The following DYNLT2 variants were observed in gnomAD, a reference collection of about 807,000 sequenced individuals.
DYNLT2 encodes dynein light chain Tctex-type protein 2.
DYNLT2 carries 24 observed loss-of-function variants against 24.3 expected under a neutral mutation model. That is an observed-to-expected ratio of 0.99 (90% CI 0.71 to 1.39). The LOEUF (loss-of-function observed/expected upper bound fraction) is 1.39, where lower values mean the gene tolerates loss of function less well. DYNLT2 is among the 40% of genes most tolerant of loss of function. The pLI, the probability that DYNLT2 is intolerant of heterozygous loss-of-function variation, is 0.00. For synonymous variants in DYNLT2, 85 were observed against 85.4 expected, an observed-to-expected ratio of 1.00 and a Z score of 0.03; for missense variants, 246 against 234.5, an observed-to-expected ratio of 1.05 and a Z score of -0.32.
chr6:169,729,480 A>G, the DYNLT2 span, among the ~76,000 whole-genome samples: 3 of 152,218 alleles, frequency 2.0e-5, no homozygotes, highest in African/African-American at 7.2e-5. Flanking sequence ...CTGGGAATCA[A>G]GGAAGCTATA....
chr6:169,745,087 A>G (rs918092676), intron 1 of DYNLT2, among the ~76,000 whole-genome samples: 2 of 151,490 alleles, frequency 1.3e-5, no homozygotes, highest in Admixed American at 6.6e-5. Flanking sequence ...TTTGCTGTGA[A>G]GTTTTTTTTG....
chr6:169,734,332 T>A, the DYNLT2 span, among the ~76,000 whole-genome samples: 1 of 152,192 alleles, frequency 6.6e-6, no homozygotes, highest in Non-Finnish European at 1.5e-5. Flanking sequence ...TGAATAGAAG[T>A]GGTGAGAGAG....
rs1789738194 is a variant in DYNLT2, at chr6:169,744,085, CT to C, written c.309del (p.Val104SerfsTer5). On this transcript the variant is annotated frameshift_variant, in exon 2 of 4. Transcript: ENST00000366774. LOFTEE classifies it high-confidence loss of function. ...CAACCTACTGTTAGTATCTGCTGGACTTTAGTTTCTACTGAATGAGCTTGGA... is the reference window on the plus strand; with the variant it reads ...CAACCTACTGTTAGTATCTGCTGGACTTAGTTTCTACTGAATGAGCTTGGA... ...KKFQAHSVETKVQQILTESLK... is the reference protein window; with the variant it reads ...KKFQAHSVETXVQQILTESLK... 1.9e-6 allele frequency: 3 copies of C among 1,612,304 alleles called. No homozygotes were observed. The highest frequency in any genetic ancestry group is 2.2e-5 in the South Asian group (2 of 91,060).
Position 169,751,507 on chromosome 6 carries a change from G to C in DYNLT2, c.-49C>G. On this transcript the variant is annotated 5_prime_UTR_variant, in exon 1 of 4. Transcript: ENST00000366774. Reference sequence around the variant, plus strand: ...CACCGCCTCCCCTTCACCGCCGGCGGTCAAACGCCCTAGCCAGTCCCGCGA... The same window carrying C: ...CACCGCCTCCCCTTCACCGCCGGCGCTCAAACGCCCTAGCCAGTCCCGCGA... The C allele has an allele frequency of 6.2e-7, 1 of 1,611,060 alleles. No individual in the cohort carries two copies. The highest frequency in any genetic ancestry group is 8.5e-7 in the Non-Finnish European group (1 of 1,178,674).
chr6:169,740,716 G>A (rs1789658741), intron 3 of DYNLT2, among the ~76,000 whole-genome samples: 1 of 152,096 alleles, frequency 6.6e-6, no homozygotes, highest in Admixed American at 6.5e-5. Context: ...CAAGTAGGCT[G>A]TTACGGACAA....
At chr6:169,728,367 ATG>A in the DYNLT2 span, among the ~76,000 whole-genome samples, 1 of 152,234 alleles carries the variant, frequency 6.6e-6, no homozygotes, top group Non-Finnish European at 1.5e-5. Context: ...AAATGATTGC[ATG>A]AGAATAACTT....
chr6:169,742,269 T>A (rs1035337984), intron 3 of DYNLT2, among the ~76,000 whole-genome samples: 35 of 152,212 alleles, frequency 2.3e-4, no homozygotes, highest in Non-Finnish European at 4.3e-4. Flanking sequence ...ATCACCATTT[T>A]ATAGATGAAG....
the DYNLT2 span, among the ~76,000 whole-genome samples, chr6:169,734,681 G>A: frequency 1.8e-4 from 28 of 152,274 alleles, no homozygotes; most frequent in African/African-American, 6.0e-4. Flanking sequence ...TGCTGGATTC[G>A]GTTGGCCAGT....
intron 1 of DYNLT2, among the ~76,000 whole-genome samples, chr6:169,744,543 A>C (rs1299930392): frequency 1.3e-5 from 2 of 152,210 alleles, no homozygotes; most frequent in African/African-American, 4.8e-5. Flanking sequence ...TATATTTAGA[A>C]TATCCATGGA....
At chr6:169,751,297 C>T in intron 1 of DYNLT2, 42 bp downstream of exon 1, 2 of 1,585,912 alleles carry the variant, frequency 1.3e-6, no homozygotes, top group Non-Finnish European at 1.7e-6. Context: ...CTTAAACGGT[C>T]GGACATAGCC....
chr6:169,748,642 CTTGTTTA>C (rs1562998739), intron 1 of DYNLT2, among the ~76,000 whole-genome samples: 1 of 152,118 alleles, frequency 6.6e-6, no homozygotes, highest in African/African-American at 2.4e-5. Context: ...TCATTTTGTT[CTTGTTTA>C]TTAAGAGAAT....
chr6:169,748,740 C>T (rs1260108601), intron 1 of DYNLT2, among the ~76,000 whole-genome samples: 4 of 152,172 alleles, frequency 2.6e-5, no homozygotes, highest in Non-Finnish European at 5.9e-5. Context: ...TCATTAACAG[C>T]GGCTTTCAAC....
chr6:169,728,476 A>G, the DYNLT2 span, among the ~76,000 whole-genome samples: 1 of 152,212 alleles, frequency 6.6e-6, no homozygotes, highest in Non-Finnish European at 1.5e-5. Flanking sequence ...AAGGAATTAG[A>G]AAGCATACAG....
intron 1 of DYNLT2, among the ~76,000 whole-genome samples, chr6:169,744,955 TGC>T (rs1789762157): frequency 6.6e-6 from 1 of 152,208 alleles, no homozygotes; most frequent in Admixed American, 6.5e-5. Flanking sequence ...TTCTTTTTCT[TGC>T]CTAATTGCTT....
chr6:169,730,590 A>C, the DYNLT2 span, among the ~76,000 whole-genome samples: 262 of 152,316 alleles, frequency 1.7e-3, 1 homozygote, highest in African/African-American at 5.7e-3. Flanking sequence ...GAGGAGCCTG[A>C]TGAACCATAT....
chr6:169,732,875 G>A, the DYNLT2 span, among the ~76,000 whole-genome samples: 1 of 152,172 alleles, frequency 6.6e-6, no homozygotes, highest in African/African-American at 2.4e-5. Context: ...CTTCCACAAT[G>A]GTTGAACTAA....
chr6:169,734,167 T>A, the DYNLT2 span, among the ~76,000 whole-genome samples: 1 of 152,166 alleles, frequency 6.6e-6, no homozygotes, highest in Non-Finnish European at 1.5e-5. Context: ...TGCTTATCAG[T>A]TCCAGAAGTT....
At chr6:169,726,752 A>C in the DYNLT2 span, among the ~76,000 whole-genome samples, 2 of 152,258 alleles carry the variant, frequency 1.3e-5, no homozygotes, top group Non-Finnish European at 2.9e-5. Context: ...TGGCAAGCCA[A>C]GTATTAACTA....
chr6:169,729,456 A>G, the DYNLT2 span, among the ~76,000 whole-genome samples: 2 of 152,104 alleles, frequency 1.3e-5, no homozygotes, highest in African/African-American at 4.8e-5. Flanking sequence ...GTAAAATATC[A>G]TGTTAGTTTA....
Sources: allele counts gnomAD v4.1 joint callset (sites outside exome capture counted in the v4.1 genomes callset), GRCh38; gene constraint gnomAD v4.1.1; transcripts MANE v1.5; gene names NCBI Gene and HGNC (gene_info 2026-07-23, HGNC 2026-07-21).